The following WFS1 variants were observed in gnomAD, a reference collection of about 807,000 sequenced individuals.
WFS1 encodes wolframin ER transmembrane glycoprotein, also known as wolframin.
WFS1 carries 90 observed loss-of-function variants against 68.5 expected under a neutral mutation model. The observed-to-expected ratio is 1.31, with a 90% CI of 1.11 to 1.56. The LOEUF (loss-of-function observed/expected upper bound fraction) is 1.56, where lower values mean the gene tolerates loss of function less well. Ranked by LOEUF, WFS1 falls within the 40% of genes most tolerant of loss-of-function variation. The pLI, the probability that WFS1 is intolerant of heterozygous loss-of-function variation, is 0.00. For missense variants in WFS1, 1,767 were observed against 1,232.6 expected (o/e 1.43, Z -6.49); for synonymous variants, 860 against 540.7 (o/e 1.59, Z -8.19).
In WFS1 at chr4:6,301,022, GCT is replaced by G. The variant is rs760337383; in HGVS notation, c.1232_1233del (p.Ser411CysfsTer131). ...ACCTGGAGCCCTATGCCCATTTCCTGCTCTCTGTCTTCTTCGTCATCTTCTCC... is the reference window on the plus strand; with the variant it reads ...ACCTGGAGCCCTATGCCCATTTCCTGCTCTGTCTTCTTCGTCATCTTCTCC... Reference protein sequence around the residue: ...NHLEPYAHFLLSVFFVIFSFP... With the variant: ...NHLEPYAHFLXSVFFVIFSFP... On this transcript the variant is annotated frameshift_variant, in exon 8 of 8. Coordinates refer to ENST00000226760, the MANE Select transcript of WFS1 (RefSeq NM_006005.3). LOFTEE classifies it high-confidence loss of function. 5.0e-6 allele frequency: 8 copies of G among 1,614,030 alleles called. No homozygotes were observed. The highest frequency in any genetic ancestry group is 4.0e-5 in the African/African-American group (3 of 74,892).
chr4:6,299,130 C>T (rs1473674783), intron 7 of WFS1, among the ~76,000 whole-genome samples: 1 of 152,246 alleles, frequency 6.6e-6, no homozygotes, highest in Non-Finnish European at 1.5e-5. Context: ...TCCCCCATCC[C>T]CTCCAGTCCC....
rs143687890 is a variant in WFS1, at chr4:6,299,476, G to GTGTA, written c.862-1181_862-1180insTGTA. The stretch of plus-strand genomic sequence containing the variant: ...TGTGCATGTGTGAGGGTGCACGTGT[G>GTGTA]GGGGTGGGTGTGCACGTGTGTGTAG... On this transcript the variant is annotated intron_variant, in intron 7 of 7. Transcript: ENST00000226760. Among the ~76,000 whole-genome samples, 80 of 148,556 alleles carry GTGTA rather than the reference G, an allele frequency of 5.4e-4. 2 individuals carry two copies. The highest frequency in any genetic ancestry group is 1.8e-3 in the African/African-American group (70 of 38,484).
chr4:6,274,682 A>G (rs1187690404), intron 1 of WFS1, among the ~76,000 whole-genome samples: 1 of 152,016 alleles, frequency 6.6e-6, no homozygotes, highest in South Asian at 2.1e-4. Context: ...AAGGGTGCTT[A>G]GGGTCTAGGC....
intron 7 of WFS1, among the ~76,000 whole-genome samples, chr4:6,299,937 CGTGTGTGTAGGGGTGGGTTGCGT>C (rs1730810750): frequency 1.1e-5 from 1 of 88,228 alleles, no homozygotes; most frequent in Non-Finnish European, 2.3e-5. Context: ...TGTGTGAATG[CGTGTGTGTAGGGGTGGGTTGCGT>C]GTGTGTGTGT....
chr4:6,296,076 C>A (rs986564333), intron 7 of WFS1, among the ~76,000 whole-genome samples: 2 of 152,252 alleles, frequency 1.3e-5, no homozygotes, highest in Non-Finnish European at 2.9e-5. Flanking sequence ...CCTGGAGGAA[C>A]TGCCATCATT....
intron 4 of WFS1, among the ~76,000 whole-genome samples, chr4:6,289,381 C>A (rs1469762895): frequency 1.3e-5 from 2 of 152,238 alleles, no homozygotes; most frequent in African/African-American, 4.8e-5. Flanking sequence ...AACTATACAT[C>A]CTGCTTCCCT....
Position 6,302,211 on chromosome 4 carries a change from G to A in WFS1, c.2416G>A (p.Ala806Thr), listed in dbSNP as rs762075088. 3.1e-6 allele frequency: 5 copies of A among 1,611,002 alleles called. No individual in the cohort carries two copies. Among genetic ancestry groups the A allele is most frequent in the Admixed American group, 1.7e-5 (1 of 59,992 alleles). ...DDVTKDIVLR[A>T]SSEFKSVLLS... ...CGTCACCAAGGACATCGTGCTGCGG[G>A]CCAGCAGCGAGTTCAAGAGCGTGCT... Residue 806 changes from alanine to threonine, a missense_variant, in exon 8 of 8, where the codon GCC (alanine) becomes ACC (threonine). Transcript: ENST00000226760.
At chr4:6,299,296 TG>T (rs1351360328) in intron 7 of WFS1, among the ~76,000 whole-genome samples, 1 of 152,212 alleles carries the variant, frequency 6.6e-6, no homozygotes, top group African/African-American at 2.4e-5. Context: ...TCCTCTTGGC[TG>T]TGGTGAAGGC....
intron 7 of WFS1, among the ~76,000 whole-genome samples, chr4:6,296,426 G>C (rs940072556): frequency 6.6e-6 from 1 of 152,194 alleles, no homozygotes; most frequent in Non-Finnish European, 1.5e-5. Flanking sequence ...GTATGACACC[G>C]ACCGGTCTGC....
rs1394455921 is a variant in WFS1, at chr4:6,289,146, G to A, written c.460+15G>A. On this transcript the variant is annotated intron_variant, in intron 4 of 7. Transcript: ENST00000226760. ...GGACAGAAGAGGTGGGTCTGTGTGA[G>A]GCTTAGAACAGCCTCTGGAGGGTTG... is the stretch of plus-strand genomic sequence containing the variant. 1 of 1,567,250 alleles carries A rather than the reference G, an allele frequency of 6.4e-7. No individual in the cohort carries two copies. The highest frequency in any genetic ancestry group is 2.4e-5 in the East Asian group (1 of 42,200).
In WFS1 at chr4:6,301,667, G is replaced by T; in HGVS notation, c.1872G>T (p.Val624=). The stretch of plus-strand genomic sequence containing the variant: ...CCAGCTTCTCTGTGGTGGGGATGGT[G>T]AAGTCCCTGACGCGGAGCTCCATGG... ...TKASFSVVGM[V]KSLTRSSMVK... The change falls in exon 8 of 8, where the codon GTG becomes GTT. Residue 624 remains valine (V), a synonymous_variant. Coordinates refer to ENST00000226760, the MANE Select transcript of WFS1 (RefSeq NM_006005.3). 2 of 1,614,128 alleles carry T rather than the reference G, an allele frequency of 1.2e-6. No individual in the cohort carries two copies. The highest frequency in any genetic ancestry group is 1.7e-6 in the Non-Finnish European group (2 of 1,180,042).
rs535094668 is a variant in WFS1, at chr4:6,283,462, G to A, written c.233-3631G>A. Among the ~76,000 whole-genome samples the A allele has an allele frequency of 1.6e-4, 24 of 152,300 alleles. No homozygotes were observed. The highest frequency in any genetic ancestry group is 5.2e-4 in the Admixed American group (8 of 15,298). On this transcript the variant is annotated intron_variant, in intron 2 of 7. Coordinates refer to ENST00000226760, the MANE Select transcript of WFS1 (RefSeq NM_006005.3). This position sits in a 1 kb window ranked among gnomAD's most constrained non-coding sequence, Gnocchi z 5.0. ...GCCTAGAGTAGTTTGCTTCAGGCACGGCTGGATCCAGGGGCTCAGATGATG... is the reference window on the plus strand; with the variant it reads ...GCCTAGAGTAGTTTGCTTCAGGCACAGCTGGATCCAGGGGCTCAGATGATG...
chr4:6,301,045 TCTC>T lies in WFS1; in HGVS notation c.1253_1255del (p.Ser418del). 1 of 1,613,970 alleles carries T rather than the reference TCTC, an allele frequency of 6.2e-7. No individual in the cohort carries two copies. Among genetic ancestry groups the T allele is most frequent in the East Asian group, 2.2e-5 (1 of 44,864 alleles). ...CTGCTCTCTGTCTTCTTCGTCATCTTCTCCTTCCCCATCGCCAGCAAGGACTGC... is the reference window on the plus strand; with the variant it reads ...CTGCTCTCTGTCTTCTTCGTCATCTTCTTCCCCATCGCCAGCAAGGACTGC... On this transcript the variant is annotated inframe_deletion, in exon 8 of 8. Transcript: ENST00000226760.
rs1419776217 is a variant in WFS1 at position 6,301,218 on chromosome 4, C to T, written c.1423C>T (p.Pro475Ser). Residue 475 changes from proline to serine, a missense_variant, in exon 8 of 8, where the codon CCC (proline) becomes TCC (serine). Coordinates refer to ENST00000226760, the MANE Select transcript of WFS1 (RefSeq NM_006005.3). ...CCTGCTATCGCTGCTGCCCTCCATG[C>T]CCTTGAATTGGCCCTACCTGAAGGT... ...AGLLSLLPSM[P>S]LNWPYLKVLG... 1.9e-6 allele frequency: 3 copies of T among 1,612,078 alleles called. No individual in the cohort carries two copies. The highest frequency in any genetic ancestry group is 1.1e-5 in the South Asian group (1 of 91,084).
At chr4:6,297,791 T>C (rs1730677981) in intron 7 of WFS1, among the ~76,000 whole-genome samples, 1 of 151,438 alleles carries the variant, frequency 6.6e-6, no homozygotes, top group Non-Finnish European at 1.5e-5. Flanking sequence ...TGTTTGGACC[T>C]TCTTTGCAGA....
intron 6 of WFS1, chr4:6,294,758 C>T: frequency 2.2e-6 from 1 of 457,476 alleles, no homozygotes; most frequent in Non-Finnish European, 4.1e-6. Context: ...TGGCCCCAGG[C>T]ATAAGGAGCT....
Position 6,295,146 on chromosome 4 carries a change from A to C in WFS1, c.818A>C (p.Glu273Ala), listed in dbSNP as rs546948362. The change falls in exon 7 of 8, where the codon GAG becomes GCG. Residue 273 changes from glutamate to alanine, a missense_variant. Physicochemically the swap from Glu to Ala is moderately radical, Grantham distance 107. Coordinates refer to ENST00000226760, the MANE Select transcript of WFS1 (RefSeq NM_006005.3). ...LFLQDDEDDD[E>A]LAGKSPEDLP... The stretch of plus-strand genomic sequence containing the variant: ...CTGCAGGACGACGAAGATGATGACG[A>C]GCTGGCGGGGAAGAGCCCTGAGGAC... The C allele has an allele frequency of 2.9e-5, 47 of 1,612,802 alleles. No individual in the cohort carries two copies. In the East Asian group the frequency reaches 9.8e-4, roughly 34 times the overall value.
chr4:6,271,865 CCTCAGGGA>C (rs940535016), intron 1 of WFS1, among the ~76,000 whole-genome samples: 10 of 152,340 alleles, frequency 6.6e-5, no homozygotes, highest in Admixed American at 6.5e-4. Flanking sequence ...TCTTTCGGGC[CCTCAGGGA>C]CCCGCCTCGC....
In WFS1 at chr4:6,287,313, C is replaced by A; in HGVS notation, c.315+138C>A. ...AGCCAGCGTGGTGCACCCTACCCCACTTGAGCCCCATGTTGGTAGGGTGCC... is the reference window on the plus strand; with the variant it reads ...AGCCAGCGTGGTGCACCCTACCCCAATTGAGCCCCATGTTGGTAGGGTGCC... On this transcript the variant is annotated intron_variant, in intron 3 of 7. Coordinates refer to ENST00000226760, the MANE Select transcript of WFS1 (RefSeq NM_006005.3). The surrounding 1 kb of genome is among the most constrained non-coding windows in gnomAD (Gnocchi z 6.4). 1.3e-6 allele frequency: 1 copy of A among 760,644 alleles called. No homozygotes were observed. Among genetic ancestry groups the A allele is most frequent in the East Asian group, 2.7e-5 (1 of 36,852 alleles). The allele number at this position is 760,644 out of a possible 1,614,324, so 47.1% of individuals were successfully genotyped here.
Sources: allele counts gnomAD v4.1 joint callset (sites outside exome capture counted in the v4.1 genomes callset), GRCh38; gene constraint gnomAD v4.1.1; non-coding constraint Gnocchi (gnomAD v3.1); transcripts MANE v1.5; gene names NCBI Gene and HGNC (gene_info 2026-07-23, HGNC 2026-07-21).